Variants in ATL1 observed in about 807,000 individuals in gnomAD.
ATL1 encodes the protein atlastin GTPase 1, also known as atlastin-1.
Under a neutral mutation model 75.5 loss-of-function variants are expected in ATL1, and 31 were observed. The ratio of observed to expected loss-of-function variants is 0.41; its 90% CI spans 0.31 to 0.55. The LOEUF is 0.55. ATL1 is among the 20% of genes least tolerant of loss of function. ATL1 has a pLI of 0.27. For missense variants in ATL1, 405 were observed against 662.6 expected (o/e 0.61, Z 4.27); for synonymous variants, 226 against 233.3 (o/e 0.97, Z 0.28).
chr14:50,632,071 A>G (rs2140242801), intron 13 of ATL1, 158 bp from the exon 14 acceptor site: 1 of 530,362 alleles, frequency 1.9e-6, no homozygotes, highest in East Asian at 3.3e-5. Flanking sequence ...AGGAGTTGAA[A>G]ATACTTTTGA....
intron 1 of ATL1, among the ~76,000 whole-genome samples, chr14:50,570,525 AC>A (rs2038945313): frequency 1.3e-5 from 2 of 152,114 alleles, no homozygotes; most frequent in African/African-American, 2.4e-5. Flanking sequence ...ACAGGCATGA[AC>A]CACCTTGCTC....
intron 5 of ATL1, 71 bp downstream of exon 5, chr14:50,593,967 T>A: frequency 8.5e-7 from 1 of 1,170,870 alleles, no homozygotes. Context: ...CTTTGGGGAA[T>A]GATTTCAAAA....
chr14:50,575,953 G>T (rs2039002146), intron 1 of ATL1, among the ~76,000 whole-genome samples: 3 of 152,102 alleles, frequency 2.0e-5, no homozygotes. Flanking sequence ...TCCCTATAGT[G>T]ATTGAATATA....
At chr14:50,549,067 G>C (rs534190512) in intron 1 of ATL1, among the ~76,000 whole-genome samples, 183 of 152,164 alleles carry the variant, frequency 1.2e-3, no homozygotes, top group Non-Finnish European at 1.6e-3. Flanking sequence ...AGTCCTTAAA[G>C]TCAGCTTCTA....
intron 1 of ATL1, among the ~76,000 whole-genome samples, chr14:50,549,645 A>C (rs77440659): frequency 0.031 from 4,659 of 152,314 alleles, 96 homozygotes; most frequent in Middle Eastern, 0.085. Flanking sequence ...TGCTACGAAG[A>C]ATATATAATG....
At chr14:50,573,630 T>G (rs1236330230) in intron 1 of ATL1, among the ~76,000 whole-genome samples, 1 of 152,228 alleles carries the variant, frequency 6.6e-6, no homozygotes. Context: ...ATGCAATATA[T>G]GTCCATTAGC....
intron 1 of ATL1, among the ~76,000 whole-genome samples, chr14:50,538,449 G>A (rs2098816094): frequency 6.6e-6 from 1 of 152,322 alleles, no homozygotes; most frequent in Non-Finnish European, 1.5e-5. Flanking sequence ...GTGAAAATTG[G>A]TAGAAGGATT....
intron 1 of ATL1, among the ~76,000 whole-genome samples, chr14:50,587,506 G>A (rs778733215): frequency 2.6e-5 from 4 of 151,968 alleles, no homozygotes; most frequent in African/African-American, 9.7e-5. Context: ...GACCTCCTGG[G>A]CTCAAGTGAT....
intron 4 of ATL1, among the ~76,000 whole-genome samples, chr14:50,593,506 A>G (rs1377476108): frequency 1.3e-5 from 2 of 152,198 alleles, no homozygotes; most frequent in Non-Finnish European, 2.9e-5. Context: ...AATTTTCCAT[A>G]TGGCTTGCTG....
At chr14:50,555,346 A>T (rs1309360080), upstream of ATL1, among the ~76,000 whole-genome samples, 2 of 152,150 alleles carry the variant, frequency 1.3e-5, no homozygotes, top group Non-Finnish European at 1.5e-5. Flanking sequence ...CAGTGGCGTG[A>T]TCTTGGCTCA....
chr14:50,613,499 A>C, intron 7 of ATL1, 148 bp downstream of exon 7: 2 of 682,670 alleles, frequency 2.9e-6, no homozygotes, highest in Non-Finnish European at 5.2e-6. Context: ...TTCTTTGTAT[A>C]TATCTATAAA....
intron 11 of ATL1, among the ~76,000 whole-genome samples, chr14:50,626,361 G>A (rs1454182047): frequency 6.6e-6 from 1 of 152,198 alleles, no homozygotes; most frequent in Non-Finnish European, 1.5e-5. Context: ...CAACAAGAAT[G>A]TGGAAAAAGT....
rs1436246553 is a variant in ATL1, at chr14:50,593,046, G to A, written c.523-800G>A. Among the ~76,000 whole-genome samples the A allele has an allele frequency of 3.3e-5, 5 of 149,414 alleles. No homozygotes were observed. The East Asian group carries it at 9.7e-4, about 29-fold the overall frequency. On this transcript the variant is annotated intron_variant, in intron 4 of 13. Coordinates refer to ENST00000358385, the MANE Select transcript of ATL1 (RefSeq NM_015915.5). ...TATTTTGAATACACACATTGTATAA[G>A]CCTTTAAAATACTGACTTAATCTAA...
In ATL1 at chr14:50,551,748, A is replaced by G. The variant is rs150448801; in HGVS notation, c.-139-8379A>G. Reference sequence around the variant, plus strand: ...TGCAAATCAATAAATGTAATACATCATATAAACAAAAATTATGTGATAATC... The same window carrying G: ...TGCAAATCAATAAATGTAATACATCGTATAAACAAAAATTATGTGATAATC... On this transcript the variant is annotated intron_variant, in intron 1 of 13. Coordinates refer to the ATL1 transcript ENST00000441560. 2.0e-5 allele frequency among the ~76,000 whole-genome samples: 3 copies of G among 152,270 alleles called. No homozygotes were observed. The East Asian group carries it at 5.8e-4, about 29-fold the overall frequency.
rs547434898 is a variant in ATL1, at chr14:50,553,214, T to C, written c.-139-6913T>C. ...AGGAGGCTGAAGCAGGAGAATGCAGTGAGCCGAGATCGTGCCACTGCACTC... is the reference window on the plus strand; with the variant it reads ...AGGAGGCTGAAGCAGGAGAATGCAGCGAGCCGAGATCGTGCCACTGCACTC... On this transcript the variant is annotated intron_variant, in intron 1 of 13. Transcript: ENST00000441560. Among the ~76,000 whole-genome samples, 3 of 148,920 alleles carry C rather than the reference T, an allele frequency of 2.0e-5. No homozygotes were observed. The South Asian group carries it at 6.4e-4, about 32-fold the overall frequency.
Position 50,613,171 on chromosome 14 carries a change from ATGACAG to A in ATL1, c.631-84_631-79del, listed in dbSNP as rs530269539. ...CAATGTGGGAAAGAACGATATTCAA[ATGACAG>A]TGATATTATAACTGGTTTCCATATA... On this transcript the variant is annotated intron_variant, in intron 6 of 13. Coordinates refer to ENST00000358385, the MANE Select transcript of ATL1 (RefSeq NM_015915.5). 8.7e-4 allele frequency: 842 copies of A among 965,278 alleles called. 8 individuals carry two copies. Among genetic ancestry groups the A allele is most frequent in the Non-Finnish European group, 9.4e-5 (56 of 597,364 alleles). 59.8% of individuals were successfully genotyped at this position (965,278 alleles called of 1,614,324 possible).
chr14:50,613,202 A>G, intron 6 of ATL1, 57 bp from the exon 7 acceptor site: 1 of 1,270,758 alleles, frequency 7.9e-7, no homozygotes, highest in Non-Finnish European at 1.1e-6. Flanking sequence ...GTTTCCATAT[A>G]AAGCAAAGGG....
chr14:50,609,081 A>G (rs1245657451), intron 6 of ATL1, among the ~76,000 whole-genome samples: 1 of 152,014 alleles, frequency 6.6e-6, no homozygotes, highest in African/African-American at 2.4e-5. Context: ...AAAAGATGTG[A>G]TTCAAGGATT....
At chr14:50,570,237 C>A (rs1410599387) in intron 1 of ATL1, among the ~76,000 whole-genome samples, 1 of 152,074 alleles carries the variant, frequency 6.6e-6, no homozygotes, top group Non-Finnish European at 1.5e-5. Flanking sequence ...TTTCTTCAAT[C>A]TTTTTTCTTT....
Sources: allele counts gnomAD v4.1 joint callset (sites outside exome capture counted in the v4.1 genomes callset), GRCh38; gene constraint gnomAD v4.1.1; transcripts MANE v1.5; gene names NCBI Gene and HGNC (gene_info 2026-07-23, HGNC 2026-07-21).